Variants in ENPP1 observed in about 807,000 individuals in gnomAD.
ENPP1 encodes the protein ectonucleotide pyrophosphatase/phosphodiesterase family member 1.
ENPP1 carries 73 observed loss-of-function variants against 122.8 expected under a neutral mutation model. The observed-to-expected ratio is 0.59, with a 90% confidence interval of 0.49 to 0.72. ENPP1 has a LOEUF of 0.72. Ranked by LOEUF, ENPP1 falls within the 30% of genes least tolerant of loss-of-function variation. ENPP1 has a pLI of 0.00. For synonymous variants in ENPP1, 367 were observed against 391.6 expected (o/e 0.94, Z 0.74); for missense variants, 978 against 1,128.1 (o/e 0.87, Z 1.91).
rs556957117 is a variant in ENPP1 at position 131,886,932 on chromosome 6, T to C, written c.2607+208T>C. 8.4e-3 allele frequency among the ~76,000 whole-genome samples: 1,254 copies of C among 149,756 alleles called. 32 individuals are homozygous for C. Among genetic ancestry groups the C allele is most frequent in the African/African-American group, 0.029 (1,187 of 41,094 alleles). ...TGTCTGCTTTTACTTTTTTCTTTTT[T>C]TTTTTTTTTTTTTTAGAGATAGGGT... On this transcript the variant is annotated intron_variant, in intron 24 of 24. Coordinates refer to ENST00000647893, the MANE Select transcript of ENPP1 (RefSeq NM_006208.3).
intron 15 of ENPP1, among the ~76,000 whole-genome samples, chr6:131,874,065 A>G (rs1483624401): frequency 6.6e-6 from 1 of 152,136 alleles, no homozygotes; most frequent in Non-Finnish European, 1.5e-5. Context: ...TCTGTCTACT[A>G]TATTGCTTAT....
At chr6:131,889,309 TGC>T (rs879566769) in intron 24 of ENPP1, among the ~76,000 whole-genome samples, 17,656 of 152,132 alleles carry the variant, frequency 0.12, 1,933 homozygotes, top group African/African-American at 0.29. Context: ...GGTGGTTTGC[TGC>T]ACAGATCATC....
intron 19 of ENPP1, 29 bp from the exon 20 acceptor site, chr6:131,879,851 C>T: frequency 1.3e-6 from 2 of 1,598,820 alleles, no homozygotes; most frequent in Non-Finnish European, 1.7e-6. Flanking sequence ...TGCACACTAA[C>T]TACATTTATT....
intron 7 of ENPP1, among the ~76,000 whole-genome samples, chr6:131,859,999 C>T (rs533285533): frequency 8.3e-4 from 127 of 152,202 alleles, no homozygotes; most frequent in African/African-American, 2.5e-3. Context: ...TCATGTCCCA[C>T]GGGCCTTCAG....
intron 3 of ENPP1, 58 bp from the exon 4 acceptor site, chr6:131,851,084 C>T (rs1264368817): frequency 1.3e-6 from 2 of 1,591,562 alleles, no homozygotes; most frequent in Non-Finnish European, 1.7e-6. Flanking sequence ...ATTCTGTGTT[C>T]ACTTTGGACA....
rs768373741 is a variant in ENPP1 at position 131,890,514 on chromosome 6, TG to T, written c.*4del. ...CAACCTTTAGCCAAGAAGACTGATA[TG>T]TTTTTTATCCCCAAACACCATGAAT... On this transcript the variant is annotated 3_prime_UTR_variant, in exon 25 of 25. Transcript: ENST00000647893. The T allele has an allele frequency of 1.1e-5, 18 of 1,611,480 alleles. No individual in the cohort carries two copies. In the East Asian group the frequency reaches 3.8e-4, roughly 34 times the overall value.
chr6:131,837,092 A>G (rs1350519923), intron 1 of ENPP1, among the ~76,000 whole-genome samples: 5 of 151,664 alleles, frequency 3.3e-5, no homozygotes, highest in Admixed American at 3.3e-4. Context: ...AATCTTTACA[A>G]GCAGTGGTTT....
intron 1 of ENPP1, chr6:131,826,886 C>T (rs1281672154): frequency 5.3e-6 from 2 of 375,022 alleles, no homozygotes; most frequent in East Asian, 1.3e-4. Context: ...AGATAAGGTT[C>T]CTTCAGATTC....
intron 15 of ENPP1, 72 bp from the exon 16 acceptor site, chr6:131,874,196 A>G: frequency 1.1e-6 from 1 of 950,220 alleles, no homozygotes; most frequent in South Asian, 1.3e-5. Context: ...AATCAATGAA[A>G]ATAATGTTAT....
chr6:131,845,559 C>T (rs951664288), intron 1 of ENPP1, among the ~76,000 whole-genome samples: 8 of 150,336 alleles, frequency 5.3e-5, no homozygotes, highest in African/African-American at 1.7e-4. Flanking sequence ...CGGGTTCAAG[C>T]GATTCTCCTG....
At chr6:131,866,717 T>G (rs1438111465) in intron 11 of ENPP1, among the ~76,000 whole-genome samples, 1 of 152,206 alleles carries the variant, frequency 6.6e-6, no homozygotes, top group Non-Finnish European at 1.5e-5. Context: ...CTTCCTTTCA[T>G]TCTGTCCTTC....
At chr6:131,882,237 C>A in intron 20 of ENPP1, 108 bp from the exon 21 acceptor site, 3 of 895,920 alleles carry the variant, frequency 3.3e-6, no homozygotes, top group Non-Finnish European at 5.3e-6. Context: ...CATGAGCTGA[C>A]AGCTAGAGCT....
In ENPP1 at chr6:131,847,856, GGT is replaced by G. The variant is rs59956343; in HGVS notation, c.313+45_313+46del. On this transcript the variant is annotated intron_variant, in intron 2 of 24. Transcript: ENST00000647893. ...CAAGCTGTGCCAAAGAAGGTAATTA[GGT>G]GTGTGTGTGTGTGTGTGTGTGTGTG... The G allele has an allele frequency of 0.15, 175,327 of 1,151,148 alleles. 1,863 individuals carry two copies. The highest frequency in any genetic ancestry group is 0.21 in the East Asian group (8,035 of 38,714). 71.3% of individuals were successfully genotyped at this position (1,151,148 alleles called of 1,614,324 possible). A position where few individuals can be genotyped will look rare whatever the true frequency, so the allele number is the denominator to read the frequency against.
At chr6:131,881,353 C>T (rs1782303338) in intron 20 of ENPP1, among the ~76,000 whole-genome samples, 1 of 152,048 alleles carries the variant, frequency 6.6e-6, no homozygotes, top group South Asian at 2.1e-4. Context: ...CAGTCTACAC[C>T]ATTTTTCATA....
At chr6:131,864,054 T>A (rs570660376) in intron 9 of ENPP1, among the ~76,000 whole-genome samples, 1 of 152,290 alleles carries the variant, frequency 6.6e-6, no homozygotes, top group African/African-American at 2.4e-5. Context: ...ATTAGAGGTG[T>A]GTAAACAAAG....
chr6:131,811,969 C>G (rs1781360244), intron 1 of ENPP1, among the ~76,000 whole-genome samples: 1 of 152,126 alleles, frequency 6.6e-6, no homozygotes, highest in South Asian at 2.1e-4. Flanking sequence ...GAAGTACTAT[C>G]ACTTAAAAAC....
chr6:131,860,638 T>C, intron 8 of ENPP1, 132 bp downstream of exon 8: 1 of 669,668 alleles, frequency 1.5e-6, no homozygotes, highest in South Asian at 1.8e-5. Context: ...CTTTTGTAAA[T>C]GGAGATGAAT....
chr6:131,867,832 C>T (rs991925551), intron 11 of ENPP1, among the ~76,000 whole-genome samples, 186 bp from the exon 12 acceptor site: 17 of 152,054 alleles, frequency 1.1e-4, no homozygotes, highest in South Asian at 4.1e-4. Flanking sequence ...CTGACCCTGA[C>T]CTGTCTTAGT....
At chr6:131,817,690 A>G (rs1375386555) in intron 1 of ENPP1, among the ~76,000 whole-genome samples, 1 of 150,042 alleles carries the variant, frequency 6.7e-6, no homozygotes, top group East Asian at 2.0e-4. Context: ...ATATAATGAA[A>G]CCCCATGTCT....
Sources: gnomAD v4.1 joint callset for allele counts (sites outside exome capture counted in the v4.1 genomes callset) on GRCh38, gnomAD v4.1.1 for gene constraint, MANE v1.5 for transcripts, NCBI Gene and HGNC (gene_info 2026-07-23, HGNC 2026-07-21) for gene names.